Variants in ANXA6 observed in about 807,000 individuals in gnomAD.
ANXA6 encodes the protein 67 kDa calelectrin.
A neutral mutation model predicts 95.4 loss-of-function variants in ANXA6; 71 were observed. The observed-to-expected ratio is 0.74, with a 90% confidence interval of 0.61 to 0.91. ANXA6 has a LOEUF of 0.91. Ranked by LOEUF, ANXA6 falls within the 40% of genes least tolerant of loss-of-function variation. The pLI, the probability that ANXA6 is intolerant of heterozygous loss-of-function variation, is 0.00. For missense variants in ANXA6, 830 were observed against 876.4 expected (o/e 0.95, Z 0.67); for synonymous variants, 289 against 315.9 (o/e 0.91, Z 0.90).
At chr5:151,124,672 C>T (rs947581876) in intron 14 of ANXA6, among the ~76,000 whole-genome samples, 14 of 152,234 alleles carry the variant, frequency 9.2e-5, no homozygotes, top group South Asian at 2.1e-4. Context: ...GGATCTGCCT[C>T]GGTTCTAGTG....
intron 15 of ANXA6, 81 bp downstream of exon 15, chr5:151,124,205 C>T (rs1160041535): frequency 1.6e-5 from 19 of 1,217,046 alleles, no homozygotes; most frequent in Non-Finnish European, 2.3e-5. Context: ...AAACCTCACT[C>T]CATCCCCTGC....
chr5:151,120,142 G>A (rs1765122373), intron 17 of ANXA6, among the ~76,000 whole-genome samples: 1 of 152,140 alleles, frequency 6.6e-6, no homozygotes, highest in South Asian at 2.1e-4. Flanking sequence ...ATACAGACGT[G>A]AGCCATCATG....
chr5:151,156,444 C>A (rs1427248511), intron 1 of ANXA6, among the ~76,000 whole-genome samples: 3 of 152,192 alleles, frequency 2.0e-5, no homozygotes, highest in Non-Finnish European at 4.4e-5. Context: ...TCCACAGGGG[C>A]TGAAACTGGG....
At position 151,129,483 on chromosome 5, in the gene ANXA6, C is replaced by T. The variant is rs763713710; in HGVS notation, c.842G>A (p.Arg281His). 6.8e-6 allele frequency: 11 copies of T among 1,612,106 alleles called. No homozygotes were observed. The highest frequency in any genetic ancestry group is 3.3e-5 in the Admixed American group (2 of 59,846). The change falls in exon 12 of 26, where the codon CGT becomes CAT. Residue 281 changes from arginine (R) to histidine (H), a missense_variant. Transcript: ENST00000354546. ...DNTLIRIMVS[R>H]SELDMLDIRE... Reference sequence around the variant, plus strand: ...AATGTCGAGCATGTCCAACTCACTACGGGAGACCATGATGCGGATCAGGGT... The same window carrying T: ...AATGTCGAGCATGTCCAACTCACTATGGGAGACCATGATGCGGATCAGGGT...
intron 2 of ANXA6, among the ~76,000 whole-genome samples, chr5:151,144,504 T>C (rs1414533514): frequency 6.6e-6 from 1 of 152,090 alleles, no homozygotes; most frequent in Non-Finnish European, 1.5e-5. Flanking sequence ...GTCATGGGAT[T>C]GTAAGCTGCC....
intron 3 of ANXA6, 128 bp from the exon 4 acceptor site, chr5:151,139,575 A>AG (rs1026828978): frequency 1.4e-6 from 1 of 697,658 alleles, no homozygotes; most frequent in African/African-American, 1.8e-5. Context: ...TCCACTCATC[A>AG]GGTGCTGGTG....
chr5:151,135,063 G>A (rs572779982), intron 7 of ANXA6, among the ~76,000 whole-genome samples: 1 of 152,292 alleles, frequency 6.6e-6, no homozygotes, highest in East Asian at 1.9e-4. Flanking sequence ...TTACACATAG[G>A]AGGATGCACA....
intron 7 of ANXA6, 111 bp downstream of exon 7, chr5:151,136,145 T>A: frequency 2.1e-6 from 2 of 966,614 alleles, no homozygotes; most frequent in Non-Finnish European, 3.2e-6. Flanking sequence ...TACACCTGCC[T>A]GTGCAAACCA....
At chr5:151,140,397 G>A in intron 2 of ANXA6, 154 bp from the exon 3 acceptor site, 1 of 668,546 alleles carries the variant, frequency 1.5e-6, no homozygotes, top group Non-Finnish European at 2.7e-6. Flanking sequence ...GAGCGGTGTG[G>A]ATGACTTTCC....
intron 13 of ANXA6, among the ~76,000 whole-genome samples, chr5:151,127,584 T>C (rs1262635339): frequency 6.6e-6 from 1 of 152,198 alleles, no homozygotes; most frequent in African/African-American, 2.4e-5. Flanking sequence ...CCTTCCTCCT[T>C]GGGTCTCACC....
rs747437386 is a variant in ANXA6 at position 151,101,074 on chromosome 5, A to AC, written c.*373dup. 80 of 482,274 alleles carry AC rather than the reference A, an allele frequency of 1.7e-4. No individual in the cohort carries two copies. The highest frequency in any genetic ancestry group is 2.8e-4 in the Non-Finnish European group (68 of 245,038). The allele number at this position is 482,274 out of a possible 1,614,324, so 29.9% of individuals were successfully genotyped here. ...CACATTCAACTGGCCCCTGCCACCA[A>AC]CCCCCTCATTCAAAGTACAGACACT... On this transcript the variant is annotated 3_prime_UTR_variant, in exon 26 of 26. Transcript: ENST00000354546.
chr5:151,152,107 A>G (rs555592490), intron 1 of ANXA6, among the ~76,000 whole-genome samples: 1 of 152,314 alleles, frequency 6.6e-6, no homozygotes, highest in South Asian at 2.1e-4. Flanking sequence ...GGTTTTATCC[A>G]AGTCATGTGA....
At chr5:151,124,194 G>T in intron 15 of ANXA6, 92 bp downstream of exon 15, 1 of 1,085,262 alleles carries the variant, frequency 9.2e-7, no homozygotes, top group South Asian at 1.4e-5. Flanking sequence ...ACTCTAATTT[G>T]AAACCTCACT....
At chr5:151,122,066 C>T in intron 17 of ANXA6, 81 bp downstream of exon 17, 7 of 831,438 alleles carry the variant, frequency 8.4e-6, no homozygotes, top group Non-Finnish European at 1.3e-5. Context: ...GAAGTTACAG[C>T]TAATCCACCT....
At chr5:151,148,162 C>T (rs1447702306) in intron 1 of ANXA6, among the ~76,000 whole-genome samples, 5 of 151,890 alleles carry the variant, frequency 3.3e-5, no homozygotes, top group African/African-American at 9.7e-5. Flanking sequence ...CAAGGGAGGG[C>T]GGGCATGGCA....
Position 151,141,408 on chromosome 5 carries a change from T to C in ANXA6, c.19-1165A>G, listed in dbSNP as rs530310835. 1.8e-5 allele frequency: 12 copies of C among 666,140 alleles called. No homozygotes were observed. In the East Asian group the frequency reaches 6.8e-4, roughly 38 times the overall value. 41.3% of individuals were successfully genotyped at this position (666,140 alleles called of 1,614,324 possible). A position where few individuals can be genotyped will look rare whatever the true frequency, so the allele number is the denominator to read the frequency against. On this transcript the variant is annotated intron_variant, in intron 2 of 25. Transcript: ENST00000354546. ...ACAAGCACATCAATTACTATAAAGCTTGTAGTAAATACATTAAGACAAAAA... is the reference window on the plus strand; with the variant it reads ...ACAAGCACATCAATTACTATAAAGCCTGTAGTAAATACATTAAGACAAAAA...
chr5:151,136,137 C>T (rs961350862), intron 7 of ANXA6, 119 bp downstream of exon 7: 33 of 871,874 alleles, frequency 3.8e-5, no homozygotes, highest in Non-Finnish European at 5.8e-5. Flanking sequence ...TAGCCAAATA[C>T]ACCTGCCTGT....
chr5:151,112,693 G>A (rs570649858), intron 20 of ANXA6, among the ~76,000 whole-genome samples: 32 of 152,204 alleles, frequency 2.1e-4, no homozygotes, highest in African/African-American at 7.0e-4. Flanking sequence ...GCATGGTGGC[G>A]CACGCCGTTA....
chr5:151,130,882 T>C (rs1163817984), intron 11 of ANXA6, among the ~76,000 whole-genome samples: 1 of 152,212 alleles, frequency 6.6e-6, no homozygotes, highest in East Asian at 1.9e-4. Context: ...TCATGAGTCT[T>C]AGCAGGCAAG....
Sources: gnomAD v4.1 joint callset for allele counts (sites outside exome capture counted in the v4.1 genomes callset) on GRCh38, gnomAD v4.1.1 for gene constraint, MANE v1.5 for transcripts, NCBI Gene and HGNC (gene_info 2026-07-23, HGNC 2026-07-21) for gene names.